The following SMYD3 variants were observed in gnomAD, a reference collection of about 807,000 sequenced individuals.
SMYD3 encodes histone-lysine N-methyltransferase SMYD3.
A neutral mutation model predicts 57.7 loss-of-function variants in SMYD3; 36 were observed. The observed-to-expected ratio is 0.62, with a 90% CI of 0.48 to 0.82. SMYD3 has a LOEUF of 0.82. Ranked by LOEUF, SMYD3 falls within the 40% of genes least tolerant of loss-of-function variation. The pLI is 0.00. For missense variants in SMYD3, 515 were observed against 538.8 expected (o/e 0.96, Z 0.44); for synonymous variants, 211 against 195.0 (o/e 1.08, Z -0.68).
intron 1 of SMYD3, among the ~76,000 whole-genome samples, chr1:246,453,690 A>T (rs1245690166): frequency 6.6e-6 from 1 of 152,180 alleles, no homozygotes; most frequent in East Asian, 1.9e-4. Context: ...AACCAGCCTT[A>T]AAAAGGCCCA....
intron 10 of SMYD3, among the ~76,000 whole-genome samples, chr1:245,784,530 G>A (rs898069271): frequency 6.6e-6 from 1 of 152,050 alleles, no homozygotes; most frequent in African/African-American, 2.4e-5. Context: ...TTTCCAAGAT[G>A]GCTTCTTCAT....
chr1:246,276,556 G>A (rs1572325832), intron 5 of SMYD3, among the ~76,000 whole-genome samples: 1 of 150,290 alleles, frequency 6.7e-6, no homozygotes, highest in East Asian at 2.0e-4. Flanking sequence ...GTTATTTAAT[G>A]TTTCTAGTGG....
chr1:245,976,957 T>C (rs142818008), intron 5 of SMYD3, among the ~76,000 whole-genome samples: 934 of 21,024 alleles, frequency 0.044, 23 homozygotes, highest in East Asian at 0.33. Context: ...GTCTCTAGCC[T>C]AGGGAAAGCC....
chr1:246,491,359 A>T (rs1183253839), intron 1 of SMYD3, among the ~76,000 whole-genome samples: 1 of 152,124 alleles, frequency 6.6e-6, no homozygotes, highest in African/African-American at 2.4e-5. Context: ...CCAACATGGC[A>T]AAACTCCGTC....
Position 246,146,099 on chromosome 1 carries a change from G to T in SMYD3, c.531+181102C>A, listed in dbSNP as rs141098864. On this transcript the variant is annotated intron_variant, in intron 5 of 11. Transcript: ENST00000490107. ...TCGCAAGAAGGTAGAGGGTATCCCT[G>T]CCCTCAGGGAGCTTACCTATCTGGG... is the stretch of plus-strand genomic sequence containing the variant. Among the ~76,000 whole-genome samples the T allele has an allele frequency of 8.0e-3, 1,219 of 152,284 alleles. 14 individuals carry two copies. Among genetic ancestry groups the T allele is most frequent in the South Asian group, 0.036 (175 of 4,816 alleles).
chr1:246,497,570 G>A (rs946365098), intron 1 of SMYD3, among the ~76,000 whole-genome samples: 5 of 152,224 alleles, frequency 3.3e-5, no homozygotes, highest in African/African-American at 1.2e-4. Flanking sequence ...TCTGAAACTT[G>A]ATCTACGAGG....
At position 246,149,865 on chromosome 1, in the gene SMYD3, C is replaced by T. The variant is rs1242947197; in HGVS notation, c.531+177336G>A. On this transcript the variant is annotated intron_variant, in intron 5 of 11. Transcript: ENST00000490107. ...AAAACTTGCTCATATGCAAAGATCA[C>T]CCCTCTGTCTACAATGTAACCCAAA... 1.3e-5 allele frequency among the ~76,000 whole-genome samples: 2 copies of T among 152,190 alleles called. 1 individual carries two copies. Among genetic ancestry groups the T allele is most frequent in the Non-Finnish European group, 2.9e-5 (2 of 68,018 alleles).
chr1:246,299,765 G>A (rs2064860099), intron 5 of SMYD3, among the ~76,000 whole-genome samples: 1 of 152,026 alleles, frequency 6.6e-6, no homozygotes, highest in Non-Finnish European at 1.5e-5. Context: ...GTTCTCACTT[G>A]TAAGGGAGGG....
At chr1:246,410,137 CT>C (rs1251408051) in intron 1 of SMYD3, among the ~76,000 whole-genome samples, 2 of 152,214 alleles carry the variant, frequency 1.3e-5, no homozygotes, top group Non-Finnish European at 2.9e-5. Context: ...TTGACTTCCT[CT>C]TTTCCTAATT....
intron 10 of SMYD3, among the ~76,000 whole-genome samples, chr1:245,817,223 A>G (rs1212974351): frequency 1.4e-5 from 2 of 145,818 alleles, no homozygotes; most frequent in Non-Finnish European, 3.0e-5. Context: ...CTGCCTCCTC[A>G]AGTGGGTCCC....
At chr1:246,422,849 G>A (rs2067162781) in intron 1 of SMYD3, among the ~76,000 whole-genome samples, 1 of 151,872 alleles carries the variant, frequency 6.6e-6, no homozygotes, top group South Asian at 2.1e-4. Context: ...CTTTCTTTCT[G>A]GCCACAAATA....
chr1:246,435,405 C>T (rs981713951), intron 1 of SMYD3, among the ~76,000 whole-genome samples: 2 of 151,696 alleles, frequency 1.3e-5, no homozygotes, highest in African/African-American at 2.4e-5. Context: ...AGAGGTTTCA[C>T]GGATTTCATA....
intron 5 of SMYD3, among the ~76,000 whole-genome samples, chr1:246,157,418 T>C (rs568576330): frequency 6.6e-6 from 1 of 152,178 alleles, no homozygotes; most frequent in Non-Finnish European, 1.5e-5. Flanking sequence ...TATAAACTCA[T>C]GAGCTTCCCA....
chr1:246,017,584 T>C (rs1160174432), intron 5 of SMYD3, among the ~76,000 whole-genome samples: 2 of 152,246 alleles, frequency 1.3e-5, no homozygotes, highest in Non-Finnish European at 2.9e-5. Context: ...ATCACAGTCA[T>C]GATGCTGAGT....
chr1:245,995,410 G>C (rs1198073146), intron 5 of SMYD3, among the ~76,000 whole-genome samples: 2 of 152,224 alleles, frequency 1.3e-5, no homozygotes, highest in African/African-American at 4.8e-5. Flanking sequence ...GAGAAATGGA[G>C]AACAGTAACA....
At position 246,199,733 on chromosome 1, in the gene SMYD3, G is replaced by A. The variant is rs149863350; in HGVS notation, c.531+127468C>T. Reference sequence around the variant, plus strand: ...ATGACACCAAGGCTTTATCCAAGGTGGAAGTTAAACAAAGTAAACACGGAG... The same window carrying A: ...ATGACACCAAGGCTTTATCCAAGGTAGAAGTTAAACAAAGTAAACACGGAG... On this transcript the variant is annotated intron_variant, in intron 5 of 11. Transcript: ENST00000490107. 4.3e-3 allele frequency among the ~76,000 whole-genome samples: 652 copies of A among 152,326 alleles called. 2 individuals are homozygous for A. The highest frequency in any genetic ancestry group is 6.9e-3 in the Non-Finnish European group (468 of 68,034).
At chr1:246,294,894 C>G (rs576328912) in intron 5 of SMYD3, among the ~76,000 whole-genome samples, 1 of 152,112 alleles carries the variant, frequency 6.6e-6, no homozygotes, top group South Asian at 2.1e-4. Flanking sequence ...CCATCGTGCC[C>G]GACCCAATTA....
intron 5 of SMYD3, among the ~76,000 whole-genome samples, chr1:246,127,404 C>G (rs1235319255): frequency 1.3e-5 from 2 of 152,130 alleles, no homozygotes; most frequent in Admixed American, 6.5e-5. Flanking sequence ...TGTGATGATA[C>G]TGCATTGGAA....
intron 5 of SMYD3, among the ~76,000 whole-genome samples, chr1:246,195,156 G>T (rs1476413168): frequency 6.6e-6 from 1 of 152,180 alleles, no homozygotes; most frequent in Admixed American, 6.5e-5. Flanking sequence ...TGGCCCATAT[G>T]AAGTGGGATC....
Sources: gnomAD v4.1 joint callset for allele counts (sites outside exome capture counted in the v4.1 genomes callset) on GRCh38, gnomAD v4.1.1 for gene constraint, MANE v1.5 for transcripts, NCBI Gene and HGNC (gene_info 2026-07-23, HGNC 2026-07-21) for gene names.